Variants in IGSF21 observed in about 807,000 individuals in gnomAD.
The protein encoded by IGSF21 is immunoglobin superfamily member 21, also known as immunoglobulin superfamily member 21.
A neutral mutation model predicts 46.8 loss-of-function variants in IGSF21; 28 were observed. The ratio of observed to expected loss-of-function variants is 0.60; its 90% CI spans 0.44 to 0.82. The LOEUF is 0.82. Among genes scored for constraint, IGSF21 ranks in the 40% least tolerant of loss-of-function variants. The probability of loss-of-function intolerance (pLI) is 0.00; values close to 1 mark genes in which losing one functional copy is unlikely to be tolerated. For synonymous variants in IGSF21, 284 were observed against 273.6 expected (o/e 1.04, Z -0.38); for missense variants, 624 against 665.5 (o/e 0.94, Z 0.69).
intron 1 of IGSF21, among the ~76,000 whole-genome samples, chr1:18,155,431 A>G (rs2086559453): frequency 6.6e-6 from 1 of 152,230 alleles, no homozygotes; most frequent in Non-Finnish European, 1.5e-5. Context: ...ATAACCATCC[A>G]GCCCTTGTGT....
intron 2 of IGSF21, among the ~76,000 whole-genome samples, chr1:18,288,666 A>C (rs1291208899): frequency 6.6e-6 from 1 of 152,202 alleles, no homozygotes; most frequent in Non-Finnish European, 1.5e-5. Context: ...GAACCACAGA[A>C]TAACATCCTT....
intron 3 of IGSF21, among the ~76,000 whole-genome samples, chr1:18,330,839 C>T (rs990293700): frequency 5.9e-5 from 9 of 152,172 alleles, no homozygotes; most frequent in Non-Finnish European, 2.9e-5. Context: ...AGAAAGTTCC[C>T]ACCTGCCCCT....
chr1:18,116,398 C>A (rs981884705), intron 1 of IGSF21, among the ~76,000 whole-genome samples: 13 of 152,226 alleles, frequency 8.5e-5, no homozygotes, highest in Admixed American at 1.3e-4. Context: ...AACAAAGTAT[C>A]CTTGGGCAAG....
chr1:18,123,520 A>C (rs369090745), intron 1 of IGSF21, among the ~76,000 whole-genome samples: 3 of 152,228 alleles, frequency 2.0e-5, no homozygotes, highest in Admixed American at 1.3e-4. Context: ...CAAATAAATC[A>C]TGGCATAATA....
At chr1:18,373,952 C>G (rs539001652) in intron 6 of IGSF21, among the ~76,000 whole-genome samples, 21 of 152,308 alleles carry the variant, frequency 1.4e-4, no homozygotes, top group African/African-American at 5.1e-4. Context: ...CAGGCCCAGG[C>G]CCGGGCCTGA....
Position 18,225,085 on chromosome 1 carries a change from T to TCTCTCTCTCTCTCTCACACA in IGSF21, c.71-2812_71-2811insTCTCTCTCTCTCTCACACAC. On this transcript the variant is annotated intron_variant, in intron 1 of 9. Coordinates refer to ENST00000251296, the MANE Select transcript of IGSF21 (RefSeq NM_032880.5). ...GTATCTCTCTCTCTCTCTCTCTCTC[T>TCTCTCTCTCTCTCTCACACA]CACACACACACACACACACACACAC... Among the ~76,000 whole-genome samples, 136 of 51,598 alleles carry TCTCTCTCTCTCTCTCACACA rather than the reference T, an allele frequency of 2.6e-3. 1 individual carries two copies. The highest frequency in any genetic ancestry group is 4.9e-3 in the African/African-American group (70 of 14,188). 33.9% of individuals were successfully genotyped at this position (51,598 alleles called of 152,430 possible).
intron 1 of IGSF21, among the ~76,000 whole-genome samples, chr1:18,225,077 T>A (rs1319970599): frequency 2.6e-5 from 1 of 38,734 alleles, no homozygotes; most frequent in African/African-American, 4.6e-5. Context: ...TCTCTCTCTC[T>A]CTCTCTCTCA....
At chr1:18,262,450 G>T (rs536099139) in intron 2 of IGSF21, among the ~76,000 whole-genome samples, 1 of 152,316 alleles carries the variant, frequency 6.6e-6, no homozygotes, top group Admixed American at 6.5e-5. Context: ...TTTAGGTAAA[G>T]TCTATAATCT....
At chr1:18,272,637 G>A (rs1024869226) in intron 2 of IGSF21, among the ~76,000 whole-genome samples, 1 of 152,238 alleles carries the variant, frequency 6.6e-6, no homozygotes, top group African/African-American at 2.4e-5. Context: ...TCCAGCTTTG[G>A]AATGAGTGGT....
intron 1 of IGSF21, among the ~76,000 whole-genome samples, chr1:18,132,926 G>GAGGGGACGGAGACAGGGGGAGGA: frequency 6.7e-6 from 1 of 149,004 alleles, no homozygotes; most frequent in African/African-American, 2.4e-5. Context: ...GTGGGGGAGG[G>GAGGGGACGGAGACAGGGGGAGGA]AGGGGACGGA....
chr1:18,257,954 G>A (rs1382775876), intron 2 of IGSF21, among the ~76,000 whole-genome samples: 3 of 152,316 alleles, frequency 2.0e-5, no homozygotes, highest in Admixed American at 2.0e-4. Context: ...AAAAGTGAGT[G>A]ATGCTCTTCA....
chr1:18,226,625 C>T (rs2084569679), intron 1 of IGSF21, among the ~76,000 whole-genome samples: 1 of 152,206 alleles, frequency 6.6e-6, no homozygotes, highest in East Asian at 1.9e-4. Context: ...CTGACTCCAA[C>T]TTCCAAATTG....
intron 2 of IGSF21, among the ~76,000 whole-genome samples, chr1:18,281,066 C>T (rs1206287043): frequency 1.0e-5 from 1 of 100,104 alleles, no homozygotes; most frequent in East Asian, 2.1e-4. Context: ...TCCCTGATGA[C>T]CCCTCTGTCC....
In IGSF21 at chr1:18,186,368, A is replaced by G. The variant is rs139802005; in HGVS notation, c.71-41530A>G. ...CTCCCTCCTCTAAAGCAATTGAAGAAGAAGATGGATACCATCTGTCTCAAA... is the reference window on the plus strand; with the variant it reads ...CTCCCTCCTCTAAAGCAATTGAAGAGGAAGATGGATACCATCTGTCTCAAA... On this transcript the variant is annotated intron_variant, in intron 1 of 9. Coordinates refer to ENST00000251296, the MANE Select transcript of IGSF21 (RefSeq NM_032880.5). Among the ~76,000 whole-genome samples the G allele has an allele frequency of 1.3e-3, 205 of 152,312 alleles. 1 individual carries two copies. Among genetic ancestry groups the G allele is most frequent in the African/African-American group, 4.5e-3 (188 of 41,572 alleles).
At chr1:18,148,240 C>T (rs2086488733) in intron 1 of IGSF21, among the ~76,000 whole-genome samples, 1 of 147,910 alleles carries the variant, frequency 6.8e-6, no homozygotes, top group African/African-American at 2.5e-5. Flanking sequence ...ACGCCGTTGT[C>T]CTGCCTCAGC....
chr1:18,292,017 C>CG (rs1265948298), intron 3 of IGSF21, 30 bp downstream of exon 3: 3 of 1,065,978 alleles, frequency 2.8e-6, no homozygotes, highest in Non-Finnish European at 3.9e-6. Context: ...GGGCCGACAG[C>CG]GGGGGAAGGG....
chr1:18,343,405 C>A (rs72657404), intron 4 of IGSF21, among the ~76,000 whole-genome samples: 1,828 of 151,336 alleles, frequency 0.012, 18 homozygotes, highest in Non-Finnish European at 0.019. Context: ...TGTCTTTTTA[C>A]TTTCTCCATG....
At chr1:18,368,093 T>C (rs149831936) in intron 6 of IGSF21, among the ~76,000 whole-genome samples, 2 of 151,596 alleles carry the variant, frequency 1.3e-5, no homozygotes, top group East Asian at 3.9e-4. Context: ...CCAAGGTGAG[T>C]GGGGGAGAAT....
intron 2 of IGSF21, among the ~76,000 whole-genome samples, chr1:18,257,982 C>T (rs572237169): frequency 3.9e-5 from 6 of 152,252 alleles, no homozygotes; most frequent in South Asian, 2.1e-4. Flanking sequence ...GAGGCAGGGC[C>T]GCTGGCTGCT....
Sources: allele counts gnomAD v4.1 joint callset (sites outside exome capture counted in the v4.1 genomes callset), GRCh38; gene constraint gnomAD v4.1.1; transcripts MANE v1.5; gene names NCBI Gene and HGNC (gene_info 2026-07-23, HGNC 2026-07-21).